The following NRXN1 variants were observed in gnomAD, a reference collection of about 807,000 sequenced individuals.
The protein encoded by NRXN1 is neurexin-1.
Under a neutral mutation model 150.9 loss-of-function variants are expected in NRXN1, and 39 were observed. That is an observed-to-expected ratio of 0.26 (90% CI 0.20 to 0.34). NRXN1 has a LOEUF of 0.34. Ranked by LOEUF, NRXN1 falls within the 10% of genes least tolerant of loss-of-function variation. The probability of loss-of-function intolerance (pLI) is 1.00; values close to 1 mark genes in which losing one functional copy is unlikely to be tolerated. For synonymous variants in NRXN1, 924 were observed against 757.0 expected (o/e 1.22, Z -3.62); for missense variants, 1,815 against 1,949.9 (o/e 0.93, Z 1.30).
At chr2:50,315,847 C>T (rs2075560653) in intron 17 of NRXN1, among the ~76,000 whole-genome samples, 1 of 152,100 alleles carries the variant, frequency 6.6e-6, no homozygotes, top group Non-Finnish European at 1.5e-5. Flanking sequence ...AAGAATAGCT[C>T]TCCTCTTCTG....
At chr2:50,105,242 C>T (rs1336520251) in intron 18 of NRXN1, 4 of 152,082 alleles carry the variant, frequency 2.6e-5, no homozygotes, top group Admixed American at 6.6e-5. Context: ...GCAGCAATTC[C>T]TCTTTCATGA....
At chr2:49,964,520 C>T (rs1676592799) in intron 21 of NRXN1, among the ~76,000 whole-genome samples, 3 of 151,188 alleles carry the variant, frequency 2.0e-5, no homozygotes, top group African/African-American at 4.9e-5. Flanking sequence ...GTGGAGGTTG[C>T]GGTGAGCCGA....
intron 5 of NRXN1, among the ~76,000 whole-genome samples, chr2:50,796,027 G>A (rs980943910): frequency 4.6e-5 from 7 of 152,074 alleles, no homozygotes; most frequent in African/African-American, 1.7e-4. Flanking sequence ...AAGTCTGGGG[G>A]AAACTGGCTC....
intron 21 of NRXN1, chr2:49,945,059 AAG>A (rs1382972088): frequency 6.6e-6 from 1 of 152,202 alleles, no homozygotes; most frequent in East Asian, 1.9e-4. Flanking sequence ...TTTAAGAACA[AAG>A]AATTTGTTCA....
chr2:50,750,802 A>G (rs1383232429), intron 5 of NRXN1, among the ~76,000 whole-genome samples: 5 of 152,052 alleles, frequency 3.3e-5, no homozygotes, highest in African/African-American at 1.2e-4. Flanking sequence ...TCACCTTTGT[A>G]GTTTCAATGA....
chr2:50,685,129 T>A (rs1231208492), intron 5 of NRXN1, among the ~76,000 whole-genome samples: 2 of 152,244 alleles, frequency 1.3e-5, no homozygotes, highest in African/African-American at 4.8e-5. Context: ...ACATCTCACT[T>A]AAACAAAATT....
chr2:50,542,976 A>G (rs1426077529), intron 9 of NRXN1, among the ~76,000 whole-genome samples: 1 of 152,190 alleles, frequency 6.6e-6, no homozygotes, highest in African/African-American at 2.4e-5. Flanking sequence ...CAGTGGTTAC[A>G]AAGAACACAT....
Position 50,858,045 on chromosome 2 carries a change from A to T in NRXN1, c.832+63824T>A, listed in dbSNP as rs187195631. On this transcript the variant is annotated intron_variant, in intron 5 of 22. Coordinates refer to ENST00000401669, the MANE Select transcript of NRXN1 (RefSeq NM_001330078.2). ...TGGGTGAGCATTTTCTTTTCCTAAG[A>T]CCTAAAAGTAGCAGGGGAAAAGGCT... is the stretch of plus-strand genomic sequence containing the variant. Among the ~76,000 whole-genome samples, 3 of 151,772 alleles carry T rather than the reference A, an allele frequency of 2.0e-5. No individual in the cohort carries two copies. In the East Asian group the frequency reaches 5.8e-4, roughly 29 times the overall value.
At chr2:50,085,418 G>C (rs748090295) in intron 19 of NRXN1, among the ~76,000 whole-genome samples, 9 of 151,984 alleles carry the variant, frequency 5.9e-5, no homozygotes, top group Admixed American at 6.6e-5. Context: ...TTTACTTTTA[G>C]AGGAAGGAAA....
chr2:50,166,707 G>A (rs895598295), intron 18 of NRXN1, among the ~76,000 whole-genome samples: 1 of 152,084 alleles, frequency 6.6e-6, no homozygotes, highest in Non-Finnish European at 1.5e-5. Flanking sequence ...TTAAATGAAA[G>A]CCATTGATTG....
rs1671063484 is a variant in NRXN1, at chr2:50,829,397, G to C, written c.832+92472C>G. On this transcript the variant is annotated intron_variant, in intron 5 of 22. Transcript: ENST00000401669. The stretch of plus-strand genomic sequence containing the variant: ...CCCGCCTCGGGCTCCCAAAGTGCGG[G>C]GATTACAGGCATGAGCCACTGTGCC... 25 of 1,257,816 alleles carry C rather than the reference G, an allele frequency of 2.0e-5. 1 individual carries two copies. The South Asian group carries it at 3.1e-4, about 15-fold the overall frequency. 77.9% of individuals were successfully genotyped at this position (1,257,816 alleles called of 1,614,324 possible). A position where few individuals can be genotyped will look rare whatever the true frequency, so the allele number is the denominator to read the frequency against.
chr2:50,364,380 T>C (rs1367713340), intron 17 of NRXN1, among the ~76,000 whole-genome samples: 1 of 152,144 alleles, frequency 6.6e-6, no homozygotes, highest in Non-Finnish European at 1.5e-5. Flanking sequence ...GAAAATAAAA[T>C]TCAAAGCCTC....
intron 18 of NRXN1, chr2:50,185,431 T>G (rs1413490430): frequency 6.6e-6 from 1 of 152,064 alleles, no homozygotes; most frequent in South Asian, 2.1e-4. Flanking sequence ...AGTCAAGAAG[T>G]TCTCTCCTTC....
At chr2:50,330,060 C>T (rs887882834) in intron 17 of NRXN1, among the ~76,000 whole-genome samples, 6 of 151,904 alleles carry the variant, frequency 3.9e-5, no homozygotes, top group Non-Finnish European at 8.8e-5. Flanking sequence ...TGATATGCCA[C>T]GTATCTCTAA....
intron 18 of NRXN1, among the ~76,000 whole-genome samples, chr2:50,213,659 C>A (rs1469306918): frequency 6.6e-6 from 1 of 151,850 alleles, no homozygotes; most frequent in East Asian, 1.9e-4. Flanking sequence ...TTAGGTATTT[C>A]TAGTCAATTA....
intron 17 of NRXN1, among the ~76,000 whole-genome samples, chr2:50,252,233 C>CTTTTTTTTTTTTTTTTTTTT (rs55993018): frequency 4.2e-5 from 4 of 94,912 alleles, no homozygotes; most frequent in African/African-American, 4.2e-5. Flanking sequence ...ACATTTTGTC[C>CTTTTTTTTTTTTTTTTTTTT]TTTTTTTTTT....
chr2:50,398,495 T>C (rs2082188462), intron 17 of NRXN1, among the ~76,000 whole-genome samples: 2 of 152,080 alleles, frequency 1.3e-5, no homozygotes, highest in Non-Finnish European at 2.9e-5. Context: ...AAAAAAACAG[T>C]ATTGTGGAAA....
At chr2:50,820,937 A>G (rs1415180356) in intron 5 of NRXN1, among the ~76,000 whole-genome samples, 1 of 152,192 alleles carries the variant, frequency 6.6e-6, no homozygotes, top group Non-Finnish European at 1.5e-5. Context: ...CTTGAAACAG[A>G]TATGTGGAAA....
At chr2:50,652,683 A>G (rs1172232129) in intron 5 of NRXN1, among the ~76,000 whole-genome samples, 1 of 152,054 alleles carries the variant, frequency 6.6e-6, no homozygotes, top group Non-Finnish European at 1.5e-5. Context: ...TTGTATAGAC[A>G]CATGTTTTCA....
Sources: gnomAD v4.1 joint callset for allele counts (sites outside exome capture counted in the v4.1 genomes callset) on GRCh38, gnomAD v4.1.1 for gene constraint, MANE v1.5 for transcripts, NCBI Gene and HGNC (gene_info 2026-07-23, HGNC 2026-07-21) for gene names.